Variants in PHGDH observed in about 807,000 individuals in gnomAD.
PHGDH encodes the protein D-3-phosphoglycerate dehydrogenase.
Under a neutral mutation model 52.6 loss-of-function variants are expected in PHGDH, and 50 were observed. That is an observed-to-expected ratio of 0.95 (90% CI 0.76 to 1.20). The LOEUF is 1.20. Ranked by LOEUF, PHGDH falls within the 50% of genes most tolerant of loss-of-function variation. The pLI, the probability that PHGDH is intolerant of heterozygous loss-of-function variation, is 0.00. For synonymous variants in PHGDH, 271 were observed against 280.5 expected (o/e 0.97, Z 0.34); for missense variants, 630 against 684.6 (o/e 0.92, Z 0.89).
rs747235325 is a variant in PHGDH at position 119,735,310 on chromosome 1, A to T, written c.659A>T (p.Asn220Ile). Residue 220 changes from asparagine (N) to isoleucine (I), a missense_variant, in exon 7 of 12, where the codon AAC (asparagine) becomes ATC (isoleucine). By Grantham distance (149) the Asn-to-Ile change is moderately radical. Coordinates refer to ENST00000641023, the MANE Select transcript of PHGDH (RefSeq NM_006623.4). ...LPSTTGLLND[N>I]TFAQCKKGVR... The stretch of plus-strand genomic sequence containing the variant: ...TTTCTTCCAGGCTTGCTGAATGACA[A>T]CACCTTTGCCCAGTGCAAGAAGGGG... The T allele has an allele frequency of 9.3e-6, 15 of 1,614,174 alleles. No homozygotes were observed. Among genetic ancestry groups the T allele is most frequent in the Non-Finnish European group, 1.3e-5 (15 of 1,180,024 alleles).
chr1:119,715,409 C>T (rs1288890536), intron 1 of PHGDH, among the ~76,000 whole-genome samples: 1 of 152,200 alleles, frequency 6.6e-6, no homozygotes, highest in Non-Finnish European at 1.5e-5. Context: ...AGCCTTTACA[C>T]AAGGATTTAG....
At chr1:119,727,136 T>C in intron 5 of PHGDH, 34 bp downstream of exon 5, 1 of 1,319,446 alleles carries the variant, frequency 7.6e-7, no homozygotes, top group Non-Finnish European at 1.1e-6. Context: ...GATGTGGGAC[T>C]TTCTGCAGCA....
intron 1 of PHGDH, among the ~76,000 whole-genome samples, chr1:119,714,204 A>G (rs1173638965): frequency 6.6e-6 from 1 of 152,160 alleles, no homozygotes; most frequent in Admixed American, 6.5e-5. Flanking sequence ...GGTGTCTGGC[A>G]TAGTGTCTCC....
chr1:119,723,817 T>C (rs1651279282), intron 3 of PHGDH, among the ~76,000 whole-genome samples: 1 of 151,840 alleles, frequency 6.6e-6, no homozygotes, highest in East Asian at 2.0e-4. Flanking sequence ...TGCTTACTTT[T>C]CAAGATTAAG....
chr1:119,743,824 C>A, intron 11 of PHGDH, 62 bp from the exon 12 acceptor site: 3 of 1,288,612 alleles, frequency 2.3e-6, no homozygotes, highest in Non-Finnish European at 2.3e-6. Context: ...GATTCTGCTC[C>A]CAATCCCTCG....
chr1:119,722,052 C>T (rs3790706), intron 2 of PHGDH, among the ~76,000 whole-genome samples: 5,896 of 152,312 alleles, frequency 0.039, 164 homozygotes, highest in African/African-American at 0.069. Flanking sequence ...GACCTTTCCC[C>T]TCCCCTGCAC....
intron 5 of PHGDH, among the ~76,000 whole-genome samples, chr1:119,732,854 G>A (rs587733701): frequency 1.1e-4 from 17 of 152,306 alleles, no homozygotes; most frequent in African/African-American, 3.8e-4. Flanking sequence ...TGGCTCCTGA[G>A]CATGGAGTAG....
At chr1:119,723,258 G>A (rs2101159841) in intron 2 of PHGDH, 118 bp from the exon 3 acceptor site, 1 of 827,488 alleles carries the variant, frequency 1.2e-6, no homozygotes, top group African/African-American at 1.7e-5. Flanking sequence ...ACAGTGGCGT[G>A]GTCAGTTCAT....
Position 119,744,101 on chromosome 1 carries a change from C to G in PHGDH, c.*61C>G. 6.7e-7 allele frequency: 1 copy of G among 1,486,828 alleles called. No individual in the cohort carries two copies. Among genetic ancestry groups the G allele is most frequent in the South Asian group, 1.1e-5 (1 of 88,430 alleles). 92.1% of individuals were successfully genotyped at this position (1,486,828 alleles called of 1,614,324 possible). ...TCTGAAGAAACCCACCCACTGTGAT[C>G]AATAGGGAGAGAAAATCCACATTCT... is the stretch of plus-strand genomic sequence containing the variant. On this transcript the variant is annotated 3_prime_UTR_variant, in exon 12 of 12. Transcript: ENST00000641023.
At chr1:119,718,571 C>G (rs1169409530) in intron 1 of PHGDH, among the ~76,000 whole-genome samples, 1 of 152,206 alleles carries the variant, frequency 6.6e-6, no homozygotes, top group South Asian at 2.1e-4. Context: ...CAATGACTTT[C>G]CAGTTCTTGG....
At chr1:119,714,288 G>A (rs373582742) in intron 1 of PHGDH, 6 of 152,258 alleles carry the variant, frequency 3.9e-5, no homozygotes, top group South Asian at 2.1e-4. Flanking sequence ...GCCTGGCCTT[G>A]GTTCCCACTG....
At position 119,741,770 on chromosome 1, in the gene PHGDH, C is replaced by T. The variant is rs1652217912; in HGVS notation, c.1082C>T (p.Thr361Ile). 6.2e-7 allele frequency: 1 copy of T among 1,613,610 alleles called. No individual in the cohort carries two copies. Among genetic ancestry groups the T allele is most frequent in the Non-Finnish European group, 8.5e-7 (1 of 1,179,500 alleles). Residue 361 changes from threonine to isoleucine, a missense_variant, in exon 10 of 12, where the codon ACA becomes ATA. By Grantham distance (89) the Thr-to-Ile change is moderately conservative. Coordinates refer to ENST00000641023, the MANE Select transcript of PHGDH (RefSeq NM_006623.4). ...GGTAGCTTCTCTCTGTCCCCAGGAACATCCCTGAAGAATGCTGGGAACTGC... is the reference window on the plus strand; with the variant it reads ...GGTAGCTTCTCTCTGTCCCCAGGAATATCCCTGAAGAATGCTGGGAACTGC... ...KGTIQVITQG[T>I]SLKNAGNCLS...
intron 7 of PHGDH, among the ~76,000 whole-genome samples, chr1:119,736,425 C>T (rs909462897): frequency 6.6e-6 from 1 of 152,208 alleles, no homozygotes; most frequent in South Asian, 2.1e-4. Context: ...CCAGGACTCA[C>T]AGGGTTAAAT....
chr1:119,729,300 G>A (rs1230009063), intron 5 of PHGDH, among the ~76,000 whole-genome samples: 1 of 152,198 alleles, frequency 6.6e-6, no homozygotes, highest in Admixed American at 6.5e-5. Flanking sequence ...TTTTGTAAGG[G>A]ATCAAGGGTC....
rs1174976585 is a variant in PHGDH, at chr1:119,723,421, A to C, written c.336A>C (p.Gly112=). Residue 112 remains glycine (G), a synonymous_variant, in exon 3 of 12, where the codon GGA becomes GGC. Coordinates refer to ENST00000641023, the MANE Select transcript of PHGDH (RefSeq NM_006623.4). The stretch of plus-strand genomic sequence containing the variant: ...TCAGTGCCGCAGAACTCACTTGTGG[A>C]ATGATCATGTGCCTGGCCAGGTAAG... ...NSLSAAELTC[G]MIMCLARQIP... is the part of the protein sequence containing the mutation. 13 of 1,613,698 alleles carry C rather than the reference A, an allele frequency of 8.1e-6. No homozygotes were observed. Among genetic ancestry groups the C allele is most frequent in the Non-Finnish European group, 1.1e-5 (13 of 1,179,810 alleles).
chr1:119,743,393 C>T (rs899446932), intron 11 of PHGDH, among the ~76,000 whole-genome samples: 57 of 152,212 alleles, frequency 3.7e-4, no homozygotes, highest in Middle Eastern at 3.2e-3. Context: ...AGGTTTCTTA[C>T]TCCTACCTGC....
In PHGDH at chr1:119,712,145, G is replaced by T; in HGVS notation, c.123G>T (p.Leu41=). The change falls in exon 1 of 12, where the codon CTG becomes CTT. Residue 41 remains leucine (L), a synonymous_variant. Transcript: ENST00000641023. ...AGCAGAACCTTAGCAAAGAGGAGCT[G>T]ATAGCGGAGCTGCAGGTAAGGCGAG... ...VEKQNLSKEE[L]IAELQDCEGL... 6.2e-7 allele frequency: 1 copy of T among 1,614,120 alleles called. No individual in the cohort carries two copies. The highest frequency in any genetic ancestry group is 8.5e-7 in the Non-Finnish European group (1 of 1,179,986).
rs587704557 is a variant in PHGDH at position 119,728,798 on chromosome 1, C to T, written c.510+1696C>T. ...TTACAGGGATTATGGGGTCAAACTG[C>T]AGCCAGGAAGTCTTTAAACATTAGG... is the stretch of plus-strand genomic sequence containing the variant. On this transcript the variant is annotated intron_variant, in intron 5 of 11. Transcript: ENST00000641023. Among the ~76,000 whole-genome samples the T allele has an allele frequency of 1.5e-3, 222 of 152,302 alleles. No individual in the cohort carries two copies. In the South Asian group the frequency reaches 0.021, roughly 14 times the overall value.
At chr1:119,740,540 G>A (rs1186696917) in intron 9 of PHGDH, 22 bp downstream of exon 9, 5 of 1,547,432 alleles carry the variant, frequency 3.2e-6, no homozygotes, top group Non-Finnish European at 4.4e-6. Flanking sequence ...ACCTTGCAGA[G>A]GGAGGGGGAG....
Sources: gnomAD v4.1 joint callset for allele counts (sites outside exome capture counted in the v4.1 genomes callset) on GRCh38, gnomAD v4.1.1 for gene constraint, MANE v1.5 for transcripts, NCBI Gene and HGNC (gene_info 2026-07-23, HGNC 2026-07-21) for gene names.